IL16: variants seen among roughly 807,000 people sequenced by gnomAD.
IL16 encodes pro-interleukin-16.
A neutral mutation model predicts 110.1 loss-of-function variants in IL16; 67 were observed. The ratio of observed to expected loss-of-function variants is 0.61; its 90% CI spans 0.50 to 0.75. The LOEUF (loss-of-function observed/expected upper bound fraction) is 0.75. IL16 is among the 30% of genes least tolerant of loss of function. The pLI, the probability that IL16 is intolerant of heterozygous loss-of-function variation, is 0.00. For synonymous variants in IL16, 689 were observed against 662.9 expected (o/e 1.04, Z -0.61); for missense variants, 1,545 against 1,655.0 (o/e 0.93, Z 1.15).
At chr15:81,207,018 G>T (rs1896044891) in intron 1 of IL16, among the ~76,000 whole-genome samples, 1 of 151,972 alleles carries the variant, frequency 6.6e-6, no homozygotes, top group Non-Finnish European at 1.5e-5. Flanking sequence ...TGGATCACGA[G>T]GTCAGGAGAT....
Position 81,250,939 on chromosome 15 carries a change from GA to G in IL16, c.313-8832del, listed in dbSNP as rs1897747553. Among the ~76,000 whole-genome samples, 3 of 152,106 alleles carry G rather than the reference GA, an allele frequency of 2.0e-5. No homozygotes were observed. In the South Asian group the frequency reaches 6.2e-4, roughly 31 times the overall value. On this transcript the variant is annotated intron_variant, in intron 2 of 18. Coordinates refer to ENST00000683961, the MANE Select transcript of IL16 (RefSeq NM_172217.5). ...TGTTAAACTCTCTTTCCTAGGAAGG[GA>G]CTGGTATTTCTCTTCTCTTCCCAAT...
chr15:81,265,547 G>C, intron 3 of IL16, 112 bp from the exon 4 acceptor site: 1 of 1,184,346 alleles, frequency 8.4e-7, no homozygotes, highest in African/African-American at 1.5e-5. Context: ...GGTGTTAAGT[G>C]GTTTACAGTC....
chr15:81,282,799 AC>A, intron 9 of IL16, 43 bp downstream of exon 9: 1 of 1,318,568 alleles, frequency 7.6e-7, no homozygotes, highest in Non-Finnish European at 1.1e-6. Flanking sequence ...CCGACTTACA[AC>A]CAGGAAAGAA....
At chr15:81,246,079 A>G (rs1027542781) in intron 2 of IL16, among the ~76,000 whole-genome samples, 2 of 152,202 alleles carry the variant, frequency 1.3e-5, no homozygotes, top group Non-Finnish European at 2.9e-5. Flanking sequence ...CTACATAATC[A>G]TATCATCTAT....
intron 2 of IL16, among the ~76,000 whole-genome samples, chr15:81,232,042 G>GTTTTTTTTTTGTT (rs1897009728): frequency 1.7e-5 from 1 of 57,692 alleles, no homozygotes. Flanking sequence ...ATTTGTTCTT[G>GTTTTTTTTTTGTT]TTTTTTTTTT....
chr15:81,191,489 G>A lies in IL16; in HGVS notation c.40+8593G>A, dbSNP rs1456999313. On this transcript the variant is annotated intron_variant, in intron 1 of 18. Coordinates refer to the IL16 transcript ENST00000302987. ...CAGTAAATGTTTATCAACCCTTTAT[G>A]GGCCAGGCATGCTCTAGTGCTGGGG... Among the ~76,000 whole-genome samples, 3 of 152,082 alleles carry A rather than the reference G, an allele frequency of 2.0e-5. No individual in the cohort carries two copies. In the East Asian group the frequency reaches 5.8e-4, roughly 29 times the overall value.
chr15:81,246,643 C>G (rs1897560851), intron 2 of IL16, among the ~76,000 whole-genome samples: 2 of 152,014 alleles, frequency 1.3e-5, no homozygotes, highest in African/African-American at 4.8e-5. Flanking sequence ...CCATGCTCAT[C>G]TCTTTTACTG....
intron 13 of IL16, 41 bp downstream of exon 13, chr15:81,297,119 GAA>G: frequency 6.3e-7 from 1 of 1,581,798 alleles, no homozygotes; most frequent in Non-Finnish European, 8.6e-7. Context: ...AGGGTCTTTT[GAA>G]AAAAGGTGCA....
chr15:81,243,832 T>C lies in IL16; in HGVS notation c.313-15940T>C, dbSNP rs145617576. Among the ~76,000 whole-genome samples the C allele has an allele frequency of 2.4e-3, 366 of 152,298 alleles. 2 individuals carry two copies. The highest frequency in any genetic ancestry group is 8.6e-3 in the African/African-American group (357 of 41,578). On this transcript the variant is annotated intron_variant, in intron 2 of 18. Coordinates refer to ENST00000683961, the MANE Select transcript of IL16 (RefSeq NM_172217.5). ...GTACATTTCATTTAGTACATTTATG[T>C]GTGTAGAGTGGTTTGTAGCATTTCA... is the stretch of plus-strand genomic sequence containing the variant.
At chr15:81,284,771 T>C (rs1312890982) in intron 9 of IL16, among the ~76,000 whole-genome samples, 1 of 152,216 alleles carries the variant, frequency 6.6e-6, no homozygotes, top group Non-Finnish European at 1.5e-5. Context: ...TTGTTGTTGT[T>C]GTTGTTTTAA....
Position 81,225,620 on chromosome 15 carries a change from T to C in IL16, c.221T>C (p.Val74Ala). The C allele has an allele frequency of 6.2e-7, 1 of 1,614,062 alleles. No homozygotes were observed. The highest frequency in any genetic ancestry group is 8.5e-7 in the Non-Finnish European group (1 of 1,179,976). ...ACATCGGAGGCTGGGCCCAGCAGTG[T>C]TCCTGATCTAGCACTGGCCTCGGAG... ...ADTSEAGPSS[V>A]PDLALASEAA... Residue 74 changes from valine to alanine, a missense_variant, in exon 2 of 19, where the codon GTT (valine) becomes GCT (alanine). Physicochemically the swap from Val to Ala is moderately conservative, Grantham distance 64. Coordinates refer to ENST00000683961, the MANE Select transcript of IL16 (RefSeq NM_172217.5).
rs1046195971 is a variant in IL16 at position 81,207,248 on chromosome 15, A to C, written c.-102+10096A>C. 3.9e-5 allele frequency among the ~76,000 whole-genome samples: 3 copies of C among 76,602 alleles called. No individual in the cohort carries two copies. In the African/African-American group the frequency reaches 5.1e-4, roughly 13 times the overall value. 50.3% of individuals were successfully genotyped at this position (76,602 alleles called of 152,430 possible). A position where few individuals can be genotyped will look rare whatever the true frequency, so the allele number is the denominator to read the frequency against. On this transcript the variant is annotated intron_variant, in intron 1 of 18. Coordinates refer to ENST00000683961, the MANE Select transcript of IL16 (RefSeq NM_172217.5). ...GTCAGACTCTGTCTCAAAAAAAACA[A>C]AAAAAAAAAAAAACAAAAAAAAGAA... is the stretch of plus-strand genomic sequence containing the variant.
At chr15:81,252,340 G>T (rs1897795740) in intron 2 of IL16, among the ~76,000 whole-genome samples, 3 of 152,192 alleles carry the variant, frequency 2.0e-5, no homozygotes, top group Non-Finnish European at 4.4e-5. Flanking sequence ...GTTTTAATCA[G>T]AAAGTTTCAT....
chr15:81,247,505 C>G (rs1335683277), intron 2 of IL16, among the ~76,000 whole-genome samples: 7 of 152,048 alleles, frequency 4.6e-5, no homozygotes, highest in Non-Finnish European at 2.9e-5. Flanking sequence ...AAACCTTTTT[C>G]TTTTCGAGTA....
intron 2 of IL16, among the ~76,000 whole-genome samples, chr15:81,238,678 T>C (rs1595981740): frequency 6.6e-6 from 1 of 152,282 alleles, no homozygotes; most frequent in South Asian, 2.1e-4. Context: ...AAGGGAAAGA[T>C]GATCTATTAT....
chr15:81,273,528 T>C (rs1459730775), intron 6 of IL16, among the ~76,000 whole-genome samples: 1 of 152,168 alleles, frequency 6.6e-6, no homozygotes, highest in African/African-American at 2.4e-5. Flanking sequence ...TTCTCTCGGC[T>C]GTCTTTCCCT....
At chr15:81,235,851 T>C (rs915649272) in intron 2 of IL16, among the ~76,000 whole-genome samples, 1 of 152,212 alleles carries the variant, frequency 6.6e-6, no homozygotes, top group East Asian at 1.9e-4. Flanking sequence ...AACTTGCATT[T>C]GTTTATTTGA....
rs147225579 is a variant in IL16 at position 81,306,054 on chromosome 15, G to A, written c.3567G>A (p.Arg1189=). 9.3e-6 allele frequency: 15 copies of A among 1,614,082 alleles called. No homozygotes were observed. Among genetic ancestry groups the A allele is most frequent in the Non-Finnish European group, 1.3e-5 (15 of 1,180,048 alleles). Residue 1189 remains arginine, a synonymous_variant, in exon 17 of 19, where the codon AGG becomes AGA. Transcript: ENST00000683961. ...LAILRQAREP[R]QAVIVTRKLT... The stretch of plus-strand genomic sequence containing the variant: ...TCCTCCGCCAAGCTCGAGAGCCCAG[G>A]CAAGCTGTGATTGTCACAAGGAAGC...
chr15:81,197,261 C>G, intron 1 of IL16, 109 bp downstream of exon 1: 1 of 665,444 alleles, frequency 1.5e-6, no homozygotes, highest in Non-Finnish European at 2.2e-6. Context: ...TAGGACGTAA[C>G]TTCATATTTG....
Sources: allele counts gnomAD v4.1 joint callset (sites outside exome capture counted in the v4.1 genomes callset), GRCh38; gene constraint gnomAD v4.1.1; transcripts MANE v1.5; gene names NCBI Gene and HGNC (gene_info 2026-07-23, HGNC 2026-07-21).